The following RANBP2 variants were observed in gnomAD, a reference collection of about 807,000 sequenced individuals.
The protein encoded by RANBP2 is RAN binding protein 2, also known as E3 SUMO-protein ligase RanBP2.
In RANBP2, 57 loss-of-function variants were observed where a neutral mutation model predicts 303.6. That is an observed-to-expected ratio of 0.19 (90% CI 0.15 to 0.23). RANBP2 has a LOEUF of 0.23. Among genes scored for constraint, RANBP2 ranks in the 10% least tolerant of loss-of-function variants. The pLI is 1.00. For missense variants in RANBP2, 3,138 were observed against 3,780.8 expected (o/e 0.83, Z 4.46); for synonymous variants, 1,167 against 1,301.5 (o/e 0.90, Z 2.23).
At chr2:109,748,589 T>C in the RANBP2 span, among the ~76,000 whole-genome samples, 1 of 105,016 alleles carries the variant, frequency 9.5e-6, no homozygotes, top group Non-Finnish European at 2.0e-5. Context: ...AAAACTGGCT[T>C]AGGCCGGGCG....
chr2:108,948,995 T>A, the RANBP2 span, among the ~76,000 whole-genome samples: 1 of 152,158 alleles, frequency 6.6e-6, no homozygotes, highest in Admixed American at 6.5e-5. Flanking sequence ...TACATGTTTT[T>A]AGGCAGAGTC....
chr2:109,601,114 G>T, the RANBP2 span, among the ~76,000 whole-genome samples: 1 of 152,120 alleles, frequency 6.6e-6, no homozygotes, highest in Non-Finnish European at 1.5e-5. Context: ...TACAGGCATG[G>T]TTGATTAACC....
chr2:109,326,579 A>G, the RANBP2 span, among the ~76,000 whole-genome samples: 4 of 152,156 alleles, frequency 2.6e-5, no homozygotes, highest in Non-Finnish European at 5.9e-5. Flanking sequence ...TTTAATTTGC[A>G]GTTCTTGGAT....
rs542422918 is a variant in RANBP2 at position 108,719,883 on chromosome 2, C to A, written c.72+205C>A. On this transcript the variant is annotated intron_variant, in intron 1 of 28. Transcript: ENST00000283195. ...ACAGCGGTGGGCGGGAGACCTTTGG[C>A]GCCGGCGCTTCCTCTTTCTCCCGGC... 1.6e-3 allele frequency among the ~76,000 whole-genome samples: 251 copies of A among 152,208 alleles called. 1 individual carries two copies. Among genetic ancestry groups the A allele is most frequent in the African/African-American group, 5.7e-3 (236 of 41,542 alleles).
chr2:109,388,283 A>T, the RANBP2 span, among the ~76,000 whole-genome samples: 1 of 152,180 alleles, frequency 6.6e-6, no homozygotes, highest in South Asian at 2.1e-4. Context: ...TCAATTTTTC[A>T]CTGATGAGTT....
At chr2:109,577,101 C>T in the RANBP2 span, among the ~76,000 whole-genome samples, 1 of 151,844 alleles carries the variant, frequency 6.6e-6, no homozygotes, top group Non-Finnish European at 1.5e-5. Context: ...AGGAGAGGAC[C>T]CTTAAGGGAG....
At chr2:108,912,791 T>A in the RANBP2 span, 532 of 1,552,992 alleles carry the variant, frequency 3.4e-4, no homozygotes, top group Non-Finnish European at 4.3e-4. Context: ...GTCCCTCAAA[T>A]GATCCAGAGA....
At chr2:108,858,200 C>T in the RANBP2 span, among the ~76,000 whole-genome samples, 3 of 152,064 alleles carry the variant, frequency 2.0e-5, no homozygotes, top group Non-Finnish European at 2.9e-5. Flanking sequence ...AAAAATTAGC[C>T]GGGCATGGTG....
At chr2:109,061,451 G>T in the RANBP2 span, among the ~76,000 whole-genome samples, 26,575 of 151,976 alleles carry the variant, frequency 0.17, 2,385 homozygotes, top group African/African-American at 0.21. Flanking sequence ...GTGTGTGCTT[G>T]CTTGGTGGGT....
chr2:109,437,135 C>T, the RANBP2 span: 1 of 1,610,536 alleles, frequency 6.2e-7, no homozygotes, highest in Non-Finnish European at 8.5e-7. Flanking sequence ...GCCCGGAGCA[C>T]CATTTCAACA....
At chr2:108,853,907 T>TACTATATATATTA in the RANBP2 span, among the ~76,000 whole-genome samples, 1 of 121,100 alleles carries the variant, frequency 8.3e-6, no homozygotes, top group African/African-American at 3.4e-5. Context: ...ATATTATATA[T>TACTATATATATTA]TATATAGTAT....
chr2:108,923,340 G>C, the RANBP2 span: 1 of 1,605,328 alleles, frequency 6.2e-7, no homozygotes, highest in South Asian at 1.1e-5. Context: ...AACAAATACC[G>C]TGCTGGTGGA....
the RANBP2 span, chr2:109,760,182 G>A: frequency 6.9e-6 from 1 of 143,998 alleles, no homozygotes. Context: ...ATTCCTTAGG[G>A]AAAAACCTGG....
intron 20 of RANBP2, among the ~76,000 whole-genome samples, chr2:108,771,129 C>T (rs1677466959): frequency 6.6e-6 from 1 of 151,368 alleles, no homozygotes; most frequent in South Asian, 2.1e-4. Flanking sequence ...ATAGTGTTAG[C>T]TACCTATAGA....
the RANBP2 span, chr2:109,502,428 A>G: frequency 3.9e-5 from 6 of 152,290 alleles, no homozygotes; most frequent in Admixed American, 3.9e-4. Flanking sequence ...TAAAACTAAT[A>G]ATGACTTGGT....
At chr2:109,533,409 C>G in the RANBP2 span, among the ~76,000 whole-genome samples, 2 of 152,134 alleles carry the variant, frequency 1.3e-5, no homozygotes, top group Non-Finnish European at 2.9e-5. Flanking sequence ...TTAGAAAACA[C>G]GATTAAGTTT....
the RANBP2 span, among the ~76,000 whole-genome samples, chr2:109,142,500 C>A: frequency 6.6e-6 from 1 of 152,178 alleles, no homozygotes; most frequent in Non-Finnish European, 1.5e-5. Context: ...GCACAGCGGC[C>A]GAGAGTGAGG....
chr2:108,940,028 T>A, the RANBP2 span, among the ~76,000 whole-genome samples: 15 of 152,212 alleles, frequency 9.9e-5, no homozygotes, highest in African/African-American at 3.6e-4. Flanking sequence ...GACACGCTAC[T>A]AGAATCCCAA....
the RANBP2 span, among the ~76,000 whole-genome samples, chr2:109,445,299 G>A: frequency 6.6e-6 from 1 of 152,164 alleles, no homozygotes; most frequent in South Asian, 2.1e-4. Flanking sequence ...CTCCAAAATT[G>A]AAGAGGGGCT....
Sources: allele counts gnomAD v4.1 joint callset (sites outside exome capture counted in the v4.1 genomes callset), GRCh38; gene constraint gnomAD v4.1.1; transcripts MANE v1.5; gene names NCBI Gene and HGNC (gene_info 2026-07-23, HGNC 2026-07-21).